The following GPR155 variants were observed in gnomAD, a reference collection of about 807,000 sequenced individuals.
The protein encoded by GPR155 is lysosomal cholesterol signaling protein.
A neutral mutation model predicts 93.1 loss-of-function variants in GPR155; 65 were observed. That is an observed-to-expected ratio of 0.70 (90% CI 0.57 to 0.86). GPR155 has a LOEUF of 0.86. Ranked by LOEUF, GPR155 falls within the 40% of genes least tolerant of loss-of-function variation. GPR155 has a pLI of 0.00. For synonymous variants in GPR155, 319 were observed against 360.1 expected, an observed-to-expected ratio of 0.89 and a Z score of 1.29; for missense variants, 838 against 1,034.8, an observed-to-expected ratio of 0.81 and a Z score of 2.61.
Position 174,445,084 on chromosome 2 carries a change from A to C in GPR155, c.2106T>G (p.Gly702=). Residue 702 remains glycine (G), a synonymous_variant, in exon 13 of 16, where the codon GGT becomes GGG. Coordinates refer to ENST00000392552, the MANE Select transcript of GPR155 (RefSeq NM_152529.7). ...LQFFCAVFNF[G]QGFISFGIFG... ...AAAGTTCTCCATAAATAAATACCTG[A>C]CCAAAGTTAAACACGGCACAGAAAA... is the stretch of plus-strand genomic sequence containing the variant. The C allele has an allele frequency of 6.4e-7, 1 of 1,555,994 alleles. No individual in the cohort carries two copies. The highest frequency in any genetic ancestry group is 8.9e-7 in the Non-Finnish European group (1 of 1,127,370).
chr2:174,468,836 A>T, intron 5 of GPR155, 76 bp downstream of exon 5: 1 of 1,211,504 alleles, frequency 8.3e-7, no homozygotes, highest in Non-Finnish European at 1.2e-6. Flanking sequence ...CTAGATTTTT[A>T]AATCCCTTCT....
intron 1 of GPR155, chr2:174,483,219 T>TTA (rs1688380549): frequency 6.6e-6 from 1 of 151,514 alleles, no homozygotes. Flanking sequence ...TTACTTATAC[T>TTA]TAAACCTTTT....
At chr2:174,462,467 T>G (rs1176096733) in intron 7 of GPR155, among the ~76,000 whole-genome samples, 2 of 152,176 alleles carry the variant, frequency 1.3e-5, no homozygotes, top group Non-Finnish European at 2.9e-5. Context: ...TGCACCACCA[T>G]GTCAGGCTAA....
At chr2:174,476,408 A>G (rs944549365) in intron 2 of GPR155, among the ~76,000 whole-genome samples, 2 of 152,156 alleles carry the variant, frequency 1.3e-5, no homozygotes, top group Non-Finnish European at 2.9e-5. Context: ...GTTCAAGAAG[A>G]GCCTGGCCAA....
At chr2:174,444,716 G>T (rs1339326648) in intron 13 of GPR155, among the ~76,000 whole-genome samples, 2 of 151,800 alleles carry the variant, frequency 1.3e-5, no homozygotes, top group Non-Finnish European at 2.9e-5. Flanking sequence ...GGCTGGTTTT[G>T]AACTCCTGGC....
rs1346752769 is a variant in GPR155 at position 174,432,564 on chromosome 2, C to G, written c.*3552G>C. 1 of 152,114 alleles carries G rather than the reference C, an allele frequency of 6.6e-6. No homozygotes were observed. The highest frequency in any genetic ancestry group is 1.5e-5 in the Non-Finnish European group (1 of 68,028). 9.4% of individuals were successfully genotyped at this position (152,114 alleles called of 1,614,324 possible). A position where few individuals can be genotyped will look rare whatever the true frequency, so the allele number is the denominator to read the frequency against. Reference sequence around the variant, plus strand: ...TGTAACTAGAAAAATCTCCTGGTAACAGCAATGAGGCCTTAGACTTACCCT... The same window carrying G: ...TGTAACTAGAAAAATCTCCTGGTAAGAGCAATGAGGCCTTAGACTTACCCT... On this transcript the variant is annotated 3_prime_UTR_variant, in exon 16 of 16. Coordinates refer to ENST00000392552, the MANE Select transcript of GPR155 (RefSeq NM_152529.7).
chr2:174,446,372 A>G (rs566572000), intron 12 of GPR155, among the ~76,000 whole-genome samples: 1 of 151,604 alleles, frequency 6.6e-6, no homozygotes, highest in East Asian at 2.0e-4. Flanking sequence ...TTCAGAGCAT[A>G]GAATGAATAA....
chr2:174,460,724 C>T (rs558619721), intron 9 of GPR155, among the ~76,000 whole-genome samples: 10 of 152,212 alleles, frequency 6.6e-5, no homozygotes, highest in East Asian at 5.8e-4. Context: ...CTCACTTCCA[C>T]GTATAATTCA....
intron 13 of GPR155, among the ~76,000 whole-genome samples, chr2:174,443,988 C>G (rs1278163125): frequency 6.6e-6 from 1 of 152,154 alleles, no homozygotes; most frequent in East Asian, 1.9e-4. Flanking sequence ...ATGGTTGGCA[C>G]ATAGTAGACT....
chr2:174,472,705 A>G (rs896141815), intron 3 of GPR155, among the ~76,000 whole-genome samples: 2 of 152,212 alleles, frequency 1.3e-5, no homozygotes, highest in South Asian at 2.1e-4. Flanking sequence ...ATGAGGAGAT[A>G]CTGAGTAAAC....
chr2:174,450,092 G>A (rs954665567), intron 11 of GPR155, among the ~76,000 whole-genome samples: 1 of 151,208 alleles, frequency 6.6e-6, no homozygotes, highest in Admixed American at 6.6e-5. Context: ...GTTGCAGTGA[G>A]CTGTGCACTC....
intron 2 of GPR155, among the ~76,000 whole-genome samples, chr2:174,473,619 G>T (rs1453260797): frequency 2.0e-5 from 3 of 151,954 alleles, no homozygotes; most frequent in Non-Finnish European, 4.4e-5. Flanking sequence ...ACCATCTAAG[G>T]GTTAAAATTA....
In GPR155 at chr2:174,472,970, AGCT is replaced by A; in HGVS notation, c.852_854del (p.Ala285del). 6.3e-7 allele frequency: 1 copy of A among 1,581,682 alleles called. No homozygotes were observed. Among genetic ancestry groups the A allele is most frequent in the Non-Finnish European group, 8.5e-7 (1 of 1,172,170 alleles). ...GTTAAATAAGTGATGCTTACAGTTT[AGCT>A]GTGATGAGAAGAATTAGTACTACAA... On this transcript the variant is annotated inframe_deletion, in exon 3 of 16. Transcript: ENST00000392552.
chr2:174,437,804 G>C (rs183551097), intron 15 of GPR155, among the ~76,000 whole-genome samples: 12 of 151,206 alleles, frequency 7.9e-5, no homozygotes, highest in Non-Finnish European at 1.8e-4. Flanking sequence ...GGCTGGTCTC[G>C]AACTCCCGAC....
chr2:174,465,381 G>C (rs370279057), intron 7 of GPR155, among the ~76,000 whole-genome samples: 2 of 152,348 alleles, frequency 1.3e-5, no homozygotes, highest in South Asian at 2.1e-4. Flanking sequence ...CAAAAGTTAA[G>C]TAATTTGCAT....
chr2:174,458,213 G>T (rs774497702), intron 10 of GPR155, among the ~76,000 whole-genome samples: 25 of 152,304 alleles, frequency 1.6e-4, no homozygotes, highest in Admixed American at 4.6e-4. Flanking sequence ...AGTAAGGACA[G>T]GAATGATTCT....
Position 174,456,090 on chromosome 2 carries a change from C to A in GPR155, c.1772-2249G>T, listed in dbSNP as rs1383882520. ...CACCTGACCTCAAGTGATCTGCTTG[C>A]CTTGGCTTCCCAAAGTTCTGGGATT... On this transcript the variant is annotated intron_variant, in intron 10 of 15. Transcript: ENST00000392552. Among the ~76,000 whole-genome samples the A allele has an allele frequency of 3.3e-5, 5 of 152,088 alleles. No homozygotes were observed. In the East Asian group the frequency reaches 9.7e-4, roughly 29 times the overall value.
intron 2 of GPR155, among the ~76,000 whole-genome samples, chr2:174,478,334 C>T (rs1688224898): frequency 6.6e-6 from 1 of 152,216 alleles, no homozygotes; most frequent in African/African-American, 2.4e-5. Context: ...GATCTCCTGG[C>T]TCAGCCTCCC....
chr2:174,433,547 A>C lies in GPR155; in HGVS notation c.*2569T>G, dbSNP rs1214905615. On this transcript the variant is annotated 3_prime_UTR_variant, in exon 16 of 16. Coordinates refer to ENST00000392552, the MANE Select transcript of GPR155 (RefSeq NM_152529.7). ...CACAGCCCCACTTCTCTGCCTGTAG[A>C]AATGTAAAGTTGAAGTCACATCCTC... 6.6e-6 allele frequency: 1 copy of C among 152,230 alleles called. No individual in the cohort carries two copies. The highest frequency in any genetic ancestry group is 6.5e-5 in the Admixed American group (1 of 15,276). The allele number at this position is 152,230 out of a possible 1,614,324, so 9.4% of individuals were successfully genotyped here.
Sources: allele counts gnomAD v4.1 joint callset (sites outside exome capture counted in the v4.1 genomes callset), GRCh38; gene constraint gnomAD v4.1.1; transcripts MANE v1.5; gene names NCBI Gene and HGNC (gene_info 2026-07-23, HGNC 2026-07-21).